The following DAPK1 variants were observed in gnomAD, a reference collection of about 807,000 sequenced individuals.
DAPK1 encodes death associated protein kinase 1.
Under a neutral mutation model 144.9 loss-of-function variants are expected in DAPK1, and 56 were observed. That is an observed-to-expected ratio of 0.39 (90% CI 0.31 to 0.48). The LOEUF (loss-of-function observed/expected upper bound fraction) is 0.48, where lower values mean the gene tolerates loss of function less well. Ranked by LOEUF, DAPK1 falls within the 20% of genes least tolerant of loss-of-function variation. The pLI, the probability that DAPK1 is intolerant of heterozygous loss-of-function variation, is 0.95. For synonymous variants in DAPK1, 690 were observed against 749.0 expected (o/e 0.92, Z 1.29); for missense variants, 1,454 against 1,875.4 (o/e 0.78, Z 4.15).
rs377253457 is a variant in DAPK1 at position 87,571,473 on chromosome 9, A to ACACCC, written c.63-33480_63-33479insACCCC. Among the ~76,000 whole-genome samples the ACACCC allele has an allele frequency of 1.3e-3, 74 of 57,642 alleles. 1 individual carries two copies. Among genetic ancestry groups the ACACCC allele is most frequent in the African/African-American group, 2.9e-3 (38 of 13,034 alleles). 37.8% of individuals were successfully genotyped at this position (57,642 alleles called of 152,430 possible). ...CACACACACACACACACACACACAC[A>ACACCC]CCAACACACACACACACACACCCCA... On this transcript the variant is annotated intron_variant, in intron 2 of 25. Coordinates refer to ENST00000408954, the MANE Select transcript of DAPK1 (RefSeq NM_004938.4).
chr9:87,533,985 C>G (rs899061235), intron 2 of DAPK1, among the ~76,000 whole-genome samples: 2 of 152,296 alleles, frequency 1.3e-5, no homozygotes, highest in East Asian at 3.9e-4. Flanking sequence ...TTTCTAACAG[C>G]AGTTCTCAGG....
At chr9:87,687,622 G>GAT (rs1824910441) in intron 21 of DAPK1, among the ~76,000 whole-genome samples, 1 of 152,092 alleles carries the variant, frequency 6.6e-6, no homozygotes, top group South Asian at 2.1e-4. Flanking sequence ...GTATCCCTTT[G>GAT]ATATACTGAT....
Position 87,501,417 on chromosome 9 carries a change from C to T in DAPK1, c.62+2278C>T, listed in dbSNP as rs554447384. On this transcript the variant is annotated intron_variant, in intron 2 of 25. Coordinates refer to ENST00000408954, the MANE Select transcript of DAPK1 (RefSeq NM_004938.4). ...TTAATTGGCCAGGCGCAGTGGCGCGCGCCTGTAGTCCCAGCTATTTGGGAG... is the reference window on the plus strand; with the variant it reads ...TTAATTGGCCAGGCGCAGTGGCGCGTGCCTGTAGTCCCAGCTATTTGGGAG... Among the ~76,000 whole-genome samples the T allele has an allele frequency of 1.4e-3, 211 of 152,250 alleles. 2 individuals carry two copies. Among genetic ancestry groups the T allele is most frequent in the African/African-American group, 4.8e-3 (200 of 41,542 alleles).
rs112396415 is a variant in DAPK1, at chr9:87,590,399, A to G, written c.63-14555A>G. Among the ~76,000 whole-genome samples, 1,084 of 148,492 alleles carry G rather than the reference A, an allele frequency of 7.3e-3. 7 individuals are homozygous for G. The highest frequency in any genetic ancestry group is 0.014 in the Middle Eastern group (4 of 292). Reference sequence around the variant, plus strand: ...AAAAAAAAAAAAGAAAAGAAAAGAAAAGAAAAAGGAAGCTAAAAGGGTTGC... The same window carrying G: ...AAAAAAAAAAAAGAAAAGAAAAGAAGAGAAAAAGGAAGCTAAAAGGGTTGC... On this transcript the variant is annotated intron_variant, in intron 2 of 25. Transcript: ENST00000408954.
At chr9:87,513,635 C>CT (rs1253452073) in intron 2 of DAPK1, among the ~76,000 whole-genome samples, 1 of 152,168 alleles carries the variant, frequency 6.6e-6, no homozygotes, top group Non-Finnish European at 1.5e-5. Flanking sequence ...GATGATTGGC[C>CT]TTGAATAGTG....
At chr9:87,575,032 A>G (rs1384103923) in intron 2 of DAPK1, among the ~76,000 whole-genome samples, 2 of 152,022 alleles carry the variant, frequency 1.3e-5, no homozygotes, top group African/African-American at 4.8e-5. Flanking sequence ...AGCCTGACCA[A>G]TATGGTGAAA....
At position 87,645,658 on chromosome 9, in the gene DAPK1, G is replaced by C. The variant is rs1387499736; in HGVS notation, c.1012-237G>C. Among the ~76,000 whole-genome samples, 5 of 152,048 alleles carry C rather than the reference G, an allele frequency of 3.3e-5. No individual in the cohort carries two copies. The East Asian group carries it at 9.7e-4, about 29-fold the overall frequency. ...CTGGATCTTGGACATTGTGTCTCTG[G>C]GCTATACTGCAGGTGATATTAAAGC... On this transcript the variant is annotated intron_variant, in intron 11 of 25. Coordinates refer to ENST00000408954, the MANE Select transcript of DAPK1 (RefSeq NM_004938.4).
intron 2 of DAPK1, among the ~76,000 whole-genome samples, chr9:87,509,868 A>C (rs1291607098): frequency 6.6e-6 from 1 of 152,182 alleles, no homozygotes; most frequent in Non-Finnish European, 1.5e-5. Flanking sequence ...CACATGGAGG[A>C]GGCCTCTTTC....
chr9:87,690,751 T>C (rs1825028041), intron 21 of DAPK1, among the ~76,000 whole-genome samples: 1 of 152,136 alleles, frequency 6.6e-6, no homozygotes, highest in Admixed American at 6.5e-5. Flanking sequence ...TTGACAGCTT[T>C]TATCATGAAG....
At chr9:87,689,149 A>G (rs545945214) in intron 21 of DAPK1, among the ~76,000 whole-genome samples, 5 of 152,184 alleles carry the variant, frequency 3.3e-5, no homozygotes, top group South Asian at 2.1e-4. Context: ...ATTCTTCTGC[A>G]TGTGGCTTAC....
At chr9:87,604,192 CAAAAG>C (rs992746807) in intron 2 of DAPK1, among the ~76,000 whole-genome samples, 5 of 152,020 alleles carry the variant, frequency 3.3e-5, no homozygotes, top group African/African-American at 1.2e-4. Flanking sequence ...CTGTCACACT[CAAAAG>C]AGAAAAGAGT....
At chr9:87,500,037 T>G (rs1824335640) in intron 2 of DAPK1, among the ~76,000 whole-genome samples, 1 of 152,236 alleles carries the variant, frequency 6.6e-6, no homozygotes, top group South Asian at 2.1e-4. Context: ...ATGTATTTAC[T>G]TATATGTGCA....
chr9:87,521,893 T>C (rs1825310012), intron 2 of DAPK1, among the ~76,000 whole-genome samples: 1 of 152,198 alleles, frequency 6.6e-6, no homozygotes, highest in African/African-American at 2.4e-5. Context: ...CGTGGGTTAG[T>C]GGATGAAAGG....
chr9:87,675,034 G>A (rs1031612246), intron 19 of DAPK1, among the ~76,000 whole-genome samples: 2 of 152,152 alleles, frequency 1.3e-5, no homozygotes, highest in African/African-American at 2.4e-5. Flanking sequence ...CCAAGAAACC[G>A]ATAAGAAAAA....
chr9:87,509,098 G>A (rs1299168812), intron 2 of DAPK1, among the ~76,000 whole-genome samples: 1 of 152,160 alleles, frequency 6.6e-6, no homozygotes, highest in Non-Finnish European at 1.5e-5. Context: ...CCTTTGGAGT[G>A]TAATATTTAA....
intron 2 of DAPK1, chr9:87,553,795 C>T: frequency 6.6e-6 from 1 of 152,348 alleles, no homozygotes; most frequent in Middle Eastern, 3.4e-3. Context: ...CATGCCCGGC[C>T]TCAATATTTA....
chr9:87,643,271 C>T (rs1830156977), intron 10 of DAPK1, 105 bp from the exon 11 acceptor site: 3 of 661,038 alleles, frequency 4.5e-6, no homozygotes, highest in Non-Finnish European at 7.6e-6. Context: ...CAGGCTTTGT[C>T]GTTTGTACTC....
At chr9:87,635,029 G>A (rs527437834) in intron 3 of DAPK1, among the ~76,000 whole-genome samples, 1 of 152,260 alleles carries the variant, frequency 6.6e-6, no homozygotes, top group South Asian at 2.1e-4. Flanking sequence ...TTATAGAAGG[G>A]GAGTCAGAGG....
At chr9:87,684,230 G>A (rs1251807661) in intron 20 of DAPK1, among the ~76,000 whole-genome samples, 2 of 152,220 alleles carry the variant, frequency 1.3e-5, no homozygotes, top group African/African-American at 2.4e-5. Flanking sequence ...GGCTTTGTTA[G>A]ACACCCGAGG....
Sources: allele counts gnomAD v4.1 joint callset (sites outside exome capture counted in the v4.1 genomes callset), GRCh38; gene constraint gnomAD v4.1.1; transcripts MANE v1.5; gene names NCBI Gene and HGNC (gene_info 2026-07-23, HGNC 2026-07-21).